ME3: variants seen among roughly 807,000 people sequenced by gnomAD.
ME3 encodes malic enzyme 3.
Under a neutral mutation model 68.9 loss-of-function variants are expected in ME3, and 48 were observed. The ratio of observed to expected loss-of-function variants is 0.70; its 90% CI spans 0.55 to 0.89. The LOEUF is 0.89. Among genes scored for constraint, ME3 ranks in the 40% least tolerant of loss-of-function variants. The pLI, the probability that ME3 is intolerant of heterozygous loss-of-function variation, is 0.00. For missense variants in ME3, 675 were observed against 797.4 expected, an observed-to-expected ratio of 0.85 and a Z score of 1.85; for synonymous variants, 320 against 318.8, an observed-to-expected ratio of 1.00 and a Z score of -0.04.
In ME3 at chr11:86,648,839, A is replaced by AC. The variant is rs201202877; in HGVS notation, c.183+22922dup. ...TGAGGCAGTAATTAATAGCCTACCA[A>AC]CCAAAAAAGCCCAGGACCAGGCGGA... On this transcript the variant is annotated intron_variant, in intron 2 of 14. Coordinates refer to ENST00000543262, the Ensembl canonical transcript of ME3. Among the ~76,000 whole-genome samples the AC allele has an allele frequency of 8.8e-3, 1,339 of 152,286 alleles. 27 individuals carry two copies. Among genetic ancestry groups the AC allele is most frequent in the African/African-American group, 0.03 (1,252 of 41,562 alleles).
chr11:86,623,161 C>T (rs7115580), intron 2 of ME3, among the ~76,000 whole-genome samples: 2 of 151,872 alleles, frequency 1.3e-5, no homozygotes, highest in African/African-American at 4.8e-5. Flanking sequence ...AGATCTGCGT[C>T]GTCTCATCTG....
intron 7 of ME3, among the ~76,000 whole-genome samples, chr11:86,478,074 A>G (rs796381810): frequency 5.9e-5 from 9 of 152,166 alleles, no homozygotes; most frequent in African/African-American, 2.2e-4. Context: ...CCTTCAGTCT[A>G]TTCTAATTGG....
chr11:86,546,608 A>G (rs1253525459), intron 4 of ME3, among the ~76,000 whole-genome samples: 2 of 152,244 alleles, frequency 1.3e-5, no homozygotes, highest in African/African-American at 4.8e-5. Flanking sequence ...AATCAAAAGC[A>G]CAATGAGATA....
chr11:86,547,460 T>G, intron 4 of ME3, among the ~76,000 whole-genome samples: 1 of 128,536 alleles, frequency 7.8e-6, no homozygotes, highest in Non-Finnish European at 1.6e-5. Context: ...GAGGGGAACA[T>G]CACACACTGG....
intron 2 of ME3, among the ~76,000 whole-genome samples, chr11:86,560,445 C>G (rs1957149846): frequency 6.6e-6 from 1 of 152,020 alleles, no homozygotes; most frequent in South Asian, 2.1e-4. Flanking sequence ...TACCTAGTCT[C>G]AGGTAGTATC....
At chr11:86,462,700 G>A (rs2138714951) in intron 8 of ME3, 1 of 785,242 alleles carries the variant, frequency 1.3e-6, no homozygotes, top group East Asian at 6.4e-5. Flanking sequence ...AATGGATAAG[G>A]CATGGTTCTT....
At chr11:86,560,994 A>G (rs550140505) in intron 2 of ME3, among the ~76,000 whole-genome samples, 1 of 151,894 alleles carries the variant, frequency 6.6e-6, no homozygotes, top group South Asian at 2.1e-4. Flanking sequence ...AAGATCACAG[A>G]AGTAGAGTGC....
intron 2 of ME3, among the ~76,000 whole-genome samples, chr11:86,572,323 T>G (rs748209199): frequency 3.5e-4 from 53 of 152,102 alleles, no homozygotes; most frequent in Non-Finnish European, 6.6e-4. Context: ...GTGTGCAGGT[T>G]AGTTACATAG....
At chr11:86,598,600 G>A (rs528832268) in intron 2 of ME3, among the ~76,000 whole-genome samples, 7 of 152,168 alleles carry the variant, frequency 4.6e-5, no homozygotes, top group African/African-American at 1.7e-4. Flanking sequence ...GAGAGCAGTG[G>A]TTCTCCCAGC....
At chr11:86,499,479 A>G (rs879711532) in intron 5 of ME3, among the ~76,000 whole-genome samples, 2 of 152,184 alleles carry the variant, frequency 1.3e-5, no homozygotes, top group Non-Finnish European at 2.9e-5. Context: ...GGCTATGAAC[A>G]CCATAGGGTT....
intron 2 of ME3, among the ~76,000 whole-genome samples, chr11:86,564,265 G>A (rs1957371590): frequency 6.6e-6 from 1 of 151,896 alleles, no homozygotes; most frequent in African/African-American, 2.4e-5. Flanking sequence ...TTTAAGGTTT[G>A]TTTCTTTCAT....
At chr11:86,446,898 C>A in intron 12 of ME3, 167 bp downstream of exon 12, 2 of 950,750 alleles carry the variant, frequency 2.1e-6, no homozygotes, top group Non-Finnish European at 3.0e-6. Context: ...GGTTTGACAG[C>A]CAGCTCCACT....
chr11:86,662,323 C>A (rs1352755336), intron 2 of ME3, among the ~76,000 whole-genome samples: 1 of 152,284 alleles, frequency 6.6e-6, no homozygotes, highest in East Asian at 1.9e-4. Flanking sequence ...TCTCATCTGT[C>A]ATATAAGAAC....
chr11:86,649,107 C>T (rs1052558617), intron 2 of ME3, among the ~76,000 whole-genome samples: 3 of 152,172 alleles, frequency 2.0e-5, no homozygotes, highest in African/African-American at 7.2e-5. Context: ...CATTAAAAAG[C>T]TTGTCAGCCA....
intron 5 of ME3, among the ~76,000 whole-genome samples, chr11:86,502,459 C>G (rs1292004422): frequency 6.6e-6 from 1 of 152,218 alleles, no homozygotes; most frequent in African/African-American, 2.4e-5. Flanking sequence ...GTGATACACA[C>G]TCACAAATGG....
chr11:86,567,198 C>T (rs558034473), intron 2 of ME3, among the ~76,000 whole-genome samples: 17 of 147,700 alleles, frequency 1.2e-4, no homozygotes, highest in Non-Finnish European at 1.5e-4. Flanking sequence ...GCCTGGGCAA[C>T]AAGAGTGAAA....
exon 8 of ME3, chr11:86,465,134 G>T (rs765404322): frequency 6.2e-7 from 1 of 1,613,888 alleles, no homozygotes; most frequent in Non-Finnish European, 8.5e-7. Context: ...TACGGTATTT[G>T]TTGAGCAGGC....
intron 2 of ME3, among the ~76,000 whole-genome samples, chr11:86,652,084 T>C (rs1412798372): frequency 6.6e-6 from 1 of 152,086 alleles, no homozygotes; most frequent in Non-Finnish European, 1.5e-5. Flanking sequence ...CCAAGAAATA[T>C]GGGACTCTGT....
intron 2 of ME3, 184 bp downstream of exon 2, chr11:86,671,578 C>T (rs113831850): frequency 1.5e-6 from 1 of 649,236 alleles, no homozygotes; most frequent in Admixed American, 3.7e-5. Flanking sequence ...CCTCTCTCCA[C>T]GCATAAAAGG....
Sources: gnomAD v4.1 joint callset for allele counts (sites outside exome capture counted in the v4.1 genomes callset) on GRCh38, gnomAD v4.1.1 for gene constraint, MANE v1.5 for transcripts, NCBI Gene and HGNC (gene_info 2026-07-23, HGNC 2026-07-21) for gene names.